Variants in TRAPPC12 observed in about 807,000 individuals in gnomAD.
TRAPPC12 encodes the protein trafficking protein particle complex subunit 12, also known as TPR repeat protein 15.
In TRAPPC12, 61 loss-of-function variants were observed where a neutral mutation model predicts 69.2. The observed-to-expected ratio is 0.88, with a 90% CI of 0.72 to 1.09. TRAPPC12 has a LOEUF of 1.09. TRAPPC12 is among the 50% of genes least tolerant of loss of function. The probability of loss-of-function intolerance (pLI) is 0.00; values close to 1 mark genes in which losing one functional copy is unlikely to be tolerated. For missense variants in TRAPPC12, 1,101 were observed against 1,016.4 expected (o/e 1.08, Z -1.13); for synonymous variants, 469 against 438.9 (o/e 1.07, Z -0.86).
chr2:3,413,017 T>C (rs1034018812), intron 3 of TRAPPC12, among the ~76,000 whole-genome samples: 1 of 152,222 alleles, frequency 6.6e-6, no homozygotes, highest in African/African-American at 2.4e-5. Flanking sequence ...TGGTGGTCTT[T>C]GCTCCCAAAG....
intron 5 of TRAPPC12, among the ~76,000 whole-genome samples, chr2:3,430,860 G>A (rs1309595566): frequency 1.3e-5 from 2 of 152,214 alleles, no homozygotes; most frequent in African/African-American, 4.8e-5. Context: ...GCACACTGTT[G>A]CTGGGACCTT....
At chr2:3,381,399 T>C (rs1044079578) in intron 1 of TRAPPC12, among the ~76,000 whole-genome samples, 6 of 152,334 alleles carry the variant, frequency 3.9e-5, no homozygotes, top group Admixed American at 2.6e-4. Flanking sequence ...ATTTCTCAAA[T>C]ACAGAATTAC....
Position 3,454,002 on chromosome 2 carries a change from T to C in TRAPPC12, c.1531-3619T>C, listed in dbSNP as rs549825522. 2.0e-5 allele frequency among the ~76,000 whole-genome samples: 3 copies of C among 152,312 alleles called. No homozygotes were observed. In the South Asian group the frequency reaches 6.2e-4, roughly 32 times the overall value. On this transcript the variant is annotated intron_variant, in intron 6 of 11. Transcript: ENST00000324266. ...CACACTGGGACCTATCAATTGACAT[T>C]AAATGACACACCCTACAAATAAAAC...
chr2:3,397,008 G>T (rs1661172123), intron 2 of TRAPPC12, among the ~76,000 whole-genome samples: 1 of 152,090 alleles, frequency 6.6e-6, no homozygotes, highest in African/African-American at 2.4e-5. Context: ...AGAAAGAAAA[G>T]AAAAGAAAAG....
intron 1 of TRAPPC12, among the ~76,000 whole-genome samples, chr2:3,383,811 A>G (rs938131825): frequency 6.0e-5 from 9 of 149,710 alleles, no homozygotes; most frequent in African/African-American, 2.2e-4. Flanking sequence ...CACATCACTC[A>G]AGGAAAATCG....
At chr2:3,385,906 A>G (rs1350218790) in intron 1 of TRAPPC12, among the ~76,000 whole-genome samples, 1 of 152,252 alleles carries the variant, frequency 6.6e-6, no homozygotes, top group East Asian at 1.9e-4. Context: ...TACCATGCAC[A>G]GGGGGCTCCC....
At chr2:3,475,713 G>A (rs943284609) in intron 9 of TRAPPC12, among the ~76,000 whole-genome samples, 1 of 152,186 alleles carries the variant, frequency 6.6e-6, no homozygotes, top group African/African-American at 2.4e-5. Flanking sequence ...TCAGCACACG[G>A]TCTGGGCGTT....
intron 6 of TRAPPC12, chr2:3,457,315 G>C (rs1665208378): frequency 1.3e-5 from 6 of 451,616 alleles, no homozygotes; most frequent in Admixed American, 2.8e-5. Context: ...GGGAGGAAGA[G>C]CTGAAAAATG....
At position 3,398,508 on chromosome 2, in the gene TRAPPC12, C is replaced by T. The variant is rs188782995; in HGVS notation, c.1048-3269C>T. ...TGCATTGGCGATGTGGCAGAAAGCTCAGCGTGTTCTGTGCCAGGTGCAGGG... is the reference window on the plus strand; with the variant it reads ...TGCATTGGCGATGTGGCAGAAAGCTTAGCGTGTTCTGTGCCAGGTGCAGGG... On this transcript the variant is annotated intron_variant, in intron 2 of 11. Transcript: ENST00000324266. Among the ~76,000 whole-genome samples the T allele has an allele frequency of 1.4e-4, 21 of 152,354 alleles. 1 individual carries two copies. The East Asian group carries it at 3.9e-3, about 28-fold the overall frequency.
In TRAPPC12 at chr2:3,479,542, G is replaced by T; in HGVS notation, c.*81G>T. On this transcript the variant is annotated 3_prime_UTR_variant, in exon 12 of 12. Coordinates refer to ENST00000324266, the MANE Select transcript of TRAPPC12 (RefSeq NM_016030.6). Reference sequence around the variant, plus strand: ...GCTAATGTATTAATGTGACATGGAGGAACTCAATAAAACTCCTGCTTCACT... The same window carrying T: ...GCTAATGTATTAATGTGACATGGAGTAACTCAATAAAACTCCTGCTTCACT... 1 of 1,536,986 alleles carries T rather than the reference G, an allele frequency of 6.5e-7. No homozygotes were observed. The highest frequency in any genetic ancestry group is 1.2e-5 in the South Asian group (1 of 80,028).
At chr2:3,463,484 C>T (rs549644170) in intron 8 of TRAPPC12, among the ~76,000 whole-genome samples, 106 of 150,922 alleles carry the variant, frequency 7.0e-4, no homozygotes, top group African/African-American at 2.5e-3. Flanking sequence ...GGCCTGTGCA[C>T]GTGCTCTTTG....
rs112417265 is a variant in TRAPPC12 at position 3,408,499 on chromosome 2, C to T, written c.1164+6606C>T. ...AAAATTAGCTGGGTGTGGTAGCACA[C>T]GCCTGTAGTCCCAGCTACTTGTGGG... is the stretch of plus-strand genomic sequence containing the variant. On this transcript the variant is annotated intron_variant, in intron 3 of 11. Transcript: ENST00000324266. Among the ~76,000 whole-genome samples the T allele has an allele frequency of 7.7e-3, 1,169 of 152,122 alleles. 21 individuals carry two copies. Among genetic ancestry groups the T allele is most frequent in the African/African-American group, 0.026 (1,089 of 41,492 alleles).
chr2:3,385,775 A>G lies in TRAPPC12; in HGVS notation c.-4-1845A>G, dbSNP rs540065992. 1.0e-3 allele frequency among the ~76,000 whole-genome samples: 155 copies of G among 152,352 alleles called. 1 individual carries two copies. Among genetic ancestry groups the G allele is most frequent in the African/African-American group, 3.7e-3 (153 of 41,588 alleles). ...CTTATTTCTAAAATAAAATACGCAGACCACGCTAGTGCCTTCAAGTCCTGC... is the reference window on the plus strand; with the variant it reads ...CTTATTTCTAAAATAAAATACGCAGGCCACGCTAGTGCCTTCAAGTCCTGC... On this transcript the variant is annotated intron_variant, in intron 1 of 11. Coordinates refer to ENST00000324266, the MANE Select transcript of TRAPPC12 (RefSeq NM_016030.6).
intron 10 of TRAPPC12, 142 bp from the exon 11 acceptor site, chr2:3,478,704 C>T (rs1027821540): frequency 3.1e-6 from 2 of 644,474 alleles, no homozygotes; most frequent in African/African-American, 1.8e-5. Context: ...CAGCTCACCG[C>T]CTCTACCTGG....
chr2:3,465,528 T>G, intron 8 of TRAPPC12, 69 bp from the exon 9 acceptor site: 1 of 1,067,448 alleles, frequency 9.4e-7, no homozygotes, highest in South Asian at 1.3e-5. Flanking sequence ...ACACTTGTGC[T>G]CTTCTACACG....
At chr2:3,385,036 G>A (rs1660430539) in intron 1 of TRAPPC12, among the ~76,000 whole-genome samples, 1 of 152,082 alleles carries the variant, frequency 6.6e-6, no homozygotes, top group Admixed American at 6.6e-5. Flanking sequence ...AAGTGAAGAA[G>A]CTATTTTGCT....
At chr2:3,465,237 A>G (rs751966543) in intron 8 of TRAPPC12, among the ~76,000 whole-genome samples, 13 of 152,240 alleles carry the variant, frequency 8.5e-5, no homozygotes, top group Non-Finnish European at 1.8e-4. Context: ...GCCAACTCAC[A>G]TGATAACTTT....
chr2:3,453,065 A>C (rs1664934724), intron 6 of TRAPPC12, among the ~76,000 whole-genome samples: 1 of 152,204 alleles, frequency 6.6e-6, no homozygotes, highest in Non-Finnish European at 1.5e-5. Context: ...CTGGCACCGG[A>C]CATCCCTGTT....
chr2:3,439,139 T>C (rs552987687), intron 5 of TRAPPC12, among the ~76,000 whole-genome samples: 78 of 152,234 alleles, frequency 5.1e-4, no homozygotes, highest in Non-Finnish European at 1.0e-3. Flanking sequence ...TTTTTCGCTA[T>C]TCTGATAGGT....
Sources: gnomAD v4.1 joint callset for allele counts (sites outside exome capture counted in the v4.1 genomes callset) on GRCh38, gnomAD v4.1.1 for gene constraint, MANE v1.5 for transcripts, NCBI Gene and HGNC (gene_info 2026-07-23, HGNC 2026-07-21) for gene names.